The following LRRC1 variants were observed in gnomAD, a reference collection of about 807,000 sequenced individuals.
LRRC1 encodes the protein leucine rich repeat containing 1.
Under a neutral mutation model 69.9 loss-of-function variants are expected in LRRC1, and 28 were observed. The ratio of observed to expected loss-of-function variants is 0.40; its 90% CI spans 0.30 to 0.55. LRRC1 has a LOEUF of 0.55. Ranked by LOEUF, LRRC1 falls within the 20% of genes least tolerant of loss-of-function variation. The pLI is 0.47. For missense variants in LRRC1, 498 were observed against 609.0 expected, an observed-to-expected ratio of 0.82 and a Z score of 1.92; for synonymous variants, 236 against 240.2, an observed-to-expected ratio of 0.98 and a Z score of 0.16.
chr6:53,840,471 T>C (rs1765746239), intron 1 of LRRC1, among the ~76,000 whole-genome samples: 1 of 152,256 alleles, frequency 6.6e-6, no homozygotes, highest in South Asian at 2.1e-4. Context: ...ACTTTTTTTT[T>C]CATTCATTTT....
intron 10 of LRRC1, among the ~76,000 whole-genome samples, chr6:53,910,962 C>T (rs573559458): frequency 2.0e-5 from 3 of 152,346 alleles, no homozygotes; most frequent in East Asian, 1.9e-4. Flanking sequence ...TGTGAATGTT[C>T]GCTGGGACAG....
rs1245027703 is a variant in LRRC1, at chr6:53,920,583, A to G, written c.1280-42A>G. The G allele has an allele frequency of 7.4e-6, 12 of 1,613,624 alleles. No individual in the cohort carries two copies. The East Asian group carries it at 2.5e-4, about 33-fold the overall frequency. On this transcript the variant is annotated intron_variant, in intron 12 of 13. Coordinates refer to ENST00000370888, the MANE Select transcript of LRRC1 (RefSeq NM_018214.5). ...AAAGTTCATAGCATTTACTGATCAC[A>G]TGAAACGCAATTCCCTGCTTATGTG...
At chr6:53,909,119 A>G (rs946146446) in intron 10 of LRRC1, among the ~76,000 whole-genome samples, 1 of 151,564 alleles carries the variant, frequency 6.6e-6, no homozygotes, top group African/African-American at 2.4e-5. Context: ...CACATTATAC[A>G]TGGGAGCAGG....
intron 2 of LRRC1, among the ~76,000 whole-genome samples, chr6:53,857,131 C>T (rs1766335764): frequency 6.6e-6 from 1 of 152,020 alleles, no homozygotes; most frequent in South Asian, 2.1e-4. Flanking sequence ...AGGGGAGAAA[C>T]TTTAATAGGA....
At chr6:53,855,797 T>C (rs1562045689) in intron 2 of LRRC1, among the ~76,000 whole-genome samples, 1 of 152,190 alleles carries the variant, frequency 6.6e-6, no homozygotes, top group African/African-American at 2.4e-5. Flanking sequence ...AGGTCCTTGC[T>C]CTATTCAGGA....
chr6:53,894,295 G>T (rs1261400047), intron 4 of LRRC1, among the ~76,000 whole-genome samples: 3 of 152,212 alleles, frequency 2.0e-5, no homozygotes, highest in African/African-American at 7.2e-5. Flanking sequence ...ATGGCTCACA[G>T]AAGGCGCCCT....
At chr6:53,850,708 A>G (rs191754137) in intron 2 of LRRC1, among the ~76,000 whole-genome samples, 210 of 152,356 alleles carry the variant, frequency 1.4e-3, no homozygotes, top group African/African-American at 4.9e-3. Context: ...CAGTGGCTTA[A>G]CACGGTGAGG....
intron 1 of LRRC1, among the ~76,000 whole-genome samples, chr6:53,811,234 A>C (rs1764785272): frequency 6.6e-6 from 1 of 152,154 alleles, no homozygotes; most frequent in Non-Finnish European, 1.5e-5. Flanking sequence ...GCACAGCTTT[A>C]GTTTCTGTTT....
intron 2 of LRRC1, among the ~76,000 whole-genome samples, chr6:53,846,221 C>T (rs535205248): frequency 1.1e-4 from 17 of 152,012 alleles, no homozygotes; most frequent in Admixed American, 3.3e-4. Context: ...ACATTTTAGG[C>T]GCAAAGTCAA....
intron 2 of LRRC1, among the ~76,000 whole-genome samples, chr6:53,849,373 C>A (rs1166478587): frequency 6.6e-6 from 1 of 152,052 alleles, no homozygotes; most frequent in African/African-American, 2.4e-5. Context: ...AAAACAAAAC[C>A]CTAACATATG....
At chr6:53,798,377 T>A (rs1764363325) in intron 1 of LRRC1, among the ~76,000 whole-genome samples, 1 of 152,210 alleles carries the variant, frequency 6.6e-6, no homozygotes, top group South Asian at 2.1e-4. Flanking sequence ...TTTGTTTATT[T>A]TTTATTTATT....
intron 10 of LRRC1, among the ~76,000 whole-genome samples, chr6:53,913,209 CA>C (rs1436803641): frequency 6.6e-6 from 1 of 151,992 alleles, no homozygotes; most frequent in African/African-American, 2.4e-5. Flanking sequence ...TGGATTTACT[CA>C]GTTCACTTTC....
Position 53,920,779 on chromosome 6 carries a change from C to G in LRRC1, c.1416+18C>G. 1 of 1,613,964 alleles carries G rather than the reference C, an allele frequency of 6.2e-7. No homozygotes were observed. The highest frequency in any genetic ancestry group is 8.5e-7 in the Non-Finnish European group (1 of 1,179,878). On this transcript the variant is annotated intron_variant, in intron 13 of 13. Coordinates refer to ENST00000370888, the MANE Select transcript of LRRC1 (RefSeq NM_018214.5). ...ATGAGACGGTATGGAAATGCAGATT[C>G]TTTGCCTCTGTGGAAGTTCAAAATT...
At chr6:53,866,832 G>C (rs1411946874) in intron 2 of LRRC1, among the ~76,000 whole-genome samples, 1 of 152,186 alleles carries the variant, frequency 6.6e-6, no homozygotes, top group South Asian at 2.1e-4. Flanking sequence ...TCTTGAAAAT[G>C]AATCTTAGTT....
intron 3 of LRRC1, 26 bp downstream of exon 3, chr6:53,879,097 C>A: frequency 2.6e-6 from 4 of 1,532,190 alleles, no homozygotes; most frequent in Non-Finnish European, 3.6e-6. Flanking sequence ...ACTTTTCTGT[C>A]TATACTAGTA....
chr6:53,837,605 C>T lies in LRRC1; in HGVS notation c.160-4505C>T, dbSNP rs149233869. 2.0e-3 allele frequency among the ~76,000 whole-genome samples: 299 copies of T among 152,160 alleles called. 4 individuals carry two copies. In the East Asian group the frequency reaches 0.041, roughly 21 times the overall value. On this transcript the variant is annotated intron_variant, in intron 1 of 13. Transcript: ENST00000370888. ...AGTTGTTCTCCATTTGAATTTGTAA[C>T]AATGGTTTATGTTTTCTCTATATTG... is the stretch of plus-strand genomic sequence containing the variant.
intron 1 of LRRC1, among the ~76,000 whole-genome samples, chr6:53,824,683 T>A (rs1765208032): frequency 6.6e-6 from 1 of 152,208 alleles, no homozygotes; most frequent in Non-Finnish European, 1.5e-5. Flanking sequence ...ATGCTGTACT[T>A]GGTGCTAGTT....
chr6:53,832,908 C>A (rs1765470488), intron 1 of LRRC1, among the ~76,000 whole-genome samples: 1 of 151,980 alleles, frequency 6.6e-6, no homozygotes, highest in African/African-American at 2.4e-5. Flanking sequence ...TCTTTTTTCC[C>A]TTAACCCTAA....
intron 2 of LRRC1, among the ~76,000 whole-genome samples, chr6:53,853,048 G>A (rs1766189522): frequency 6.6e-6 from 1 of 152,118 alleles, no homozygotes; most frequent in Admixed American, 6.6e-5. Context: ...TCACATTGTG[G>A]AAGGGCAGGG....
Sources: allele counts gnomAD v4.1 joint callset (sites outside exome capture counted in the v4.1 genomes callset), GRCh38; gene constraint gnomAD v4.1.1; transcripts MANE v1.5; gene names NCBI Gene and HGNC (gene_info 2026-07-23, HGNC 2026-07-21).